Variants in RAP1GDS1 observed in about 807,000 individuals in gnomAD.
RAP1GDS1 encodes RAP1, GTP-GDP dissociation stimulator 1.
Under a neutral mutation model 71.1 loss-of-function variants are expected in RAP1GDS1, and 35 were observed. That is an observed-to-expected ratio of 0.49 (90% CI 0.38 to 0.65). The LOEUF (loss-of-function observed/expected upper bound fraction) is 0.65, where lower values mean the gene tolerates loss of function less well. Ranked by LOEUF, RAP1GDS1 falls within the 30% of genes least tolerant of loss-of-function variation. RAP1GDS1 has a pLI of 0.00. For missense variants in RAP1GDS1, 663 were observed against 706.1 expected, an observed-to-expected ratio of 0.94 and a Z score of 0.69; for synonymous variants, 229 against 243.1, an observed-to-expected ratio of 0.94 and a Z score of 0.54.
At chr4:98,387,398 G>C (rs1012141403) in intron 5 of RAP1GDS1, 3 of 455,092 alleles carry the variant, frequency 6.6e-6, no homozygotes, top group South Asian at 1.6e-5. Flanking sequence ...TAAAACTCAG[G>C]GGGGAAAAGG....
intron 6 of RAP1GDS1, among the ~76,000 whole-genome samples, chr4:98,398,056 A>G (rs547402603): frequency 6.6e-6 from 1 of 152,248 alleles, no homozygotes; most frequent in African/African-American, 2.4e-5. Flanking sequence ...TTTAGTTCCT[A>G]ACTTCATCAA....
intron 2 of RAP1GDS1, among the ~76,000 whole-genome samples, chr4:98,337,331 T>C (rs1210097140): frequency 1.3e-5 from 2 of 152,258 alleles, no homozygotes; most frequent in Admixed American, 6.5e-5. Context: ...TTCTTACTCT[T>C]GTAAAATGTG....
intron 1 of RAP1GDS1, among the ~76,000 whole-genome samples, chr4:98,282,251 G>A (rs1167778239): frequency 6.6e-6 from 1 of 152,032 alleles, no homozygotes; most frequent in Non-Finnish European, 1.5e-5. Context: ...GACTTTTTTT[G>A]GTTGGTAGGC....
chr4:98,272,524 G>A (rs533419923), intron 1 of RAP1GDS1, among the ~76,000 whole-genome samples: 7 of 152,126 alleles, frequency 4.6e-5, no homozygotes, highest in East Asian at 1.9e-4. Context: ...ATCTGTGGTC[G>A]GACGTTGTCA....
intron 6 of RAP1GDS1, among the ~76,000 whole-genome samples, chr4:98,397,740 T>A (rs1225732153): frequency 6.6e-6 from 1 of 152,120 alleles, no homozygotes; most frequent in Non-Finnish European, 1.5e-5. Flanking sequence ...TGACTACCCC[T>A]TGCCTATCCA....
chr4:98,388,405 C>A (rs1282391246), intron 5 of RAP1GDS1, among the ~76,000 whole-genome samples: 1 of 152,022 alleles, frequency 6.6e-6, no homozygotes, highest in Non-Finnish European at 1.5e-5. Flanking sequence ...ACCATGTTTC[C>A]CACTCACCTC....
intron 5 of RAP1GDS1, chr4:98,387,322 C>G (rs560218380): frequency 1.8e-5 from 7 of 392,554 alleles, no homozygotes; most frequent in South Asian, 1.3e-4. Context: ...AGTTGAATCA[C>G]TGGAATTCTC....
At chr4:98,296,744 A>T (rs1468631770) in intron 2 of RAP1GDS1, among the ~76,000 whole-genome samples, 1 of 152,158 alleles carries the variant, frequency 6.6e-6, no homozygotes, top group African/African-American at 2.4e-5. Context: ...GAAATGTAAA[A>T]CAATAGGCCA....
intron 2 of RAP1GDS1, among the ~76,000 whole-genome samples, chr4:98,333,446 G>C (rs746651532): frequency 2.6e-5 from 4 of 151,926 alleles, no homozygotes; most frequent in Admixed American, 6.6e-5. Context: ...TAATTTTTAT[G>C]TTAAAAATAG....
At chr4:98,340,830 A>G (rs924197608) in intron 2 of RAP1GDS1, among the ~76,000 whole-genome samples, 1 of 152,064 alleles carries the variant, frequency 6.6e-6, no homozygotes, top group African/African-American at 2.4e-5. Context: ...TTGAGTACAT[A>G]TGGATACAAT....
At chr4:98,298,125 G>A (rs1219916502) in intron 2 of RAP1GDS1, among the ~76,000 whole-genome samples, 3 of 152,154 alleles carry the variant, frequency 2.0e-5, no homozygotes, top group African/African-American at 4.8e-5. Context: ...CGAGAGGTGA[G>A]GAGACTGCAT....
intron 2 of RAP1GDS1, among the ~76,000 whole-genome samples, chr4:98,339,063 TG>T (rs544631161): frequency 1.7e-4 from 26 of 152,358 alleles, no homozygotes; most frequent in Non-Finnish European, 3.1e-4. Context: ...GTGTGAGTTG[TG>T]CTTTAAACTC....
chr4:98,417,875 C>A (rs1432196581), intron 9 of RAP1GDS1, among the ~76,000 whole-genome samples: 2 of 151,892 alleles, frequency 1.3e-5, no homozygotes, highest in Non-Finnish European at 2.9e-5. Flanking sequence ...ACTTTTATGC[C>A]CATAAAACTT....
At chr4:98,267,401 C>T (rs1245814293) in intron 1 of RAP1GDS1, among the ~76,000 whole-genome samples, 1 of 152,028 alleles carries the variant, frequency 6.6e-6, no homozygotes, top group African/African-American at 2.4e-5. Context: ...TATGAATAAT[C>T]CCATCACCCA....
intron 7 of RAP1GDS1, among the ~76,000 whole-genome samples, chr4:98,413,139 C>G (rs1400122786): frequency 6.6e-6 from 1 of 152,090 alleles, no homozygotes; most frequent in African/African-American, 2.4e-5. Flanking sequence ...GTCCTTATCT[C>G]AACCGCATAA....
chr4:98,282,475 AT>A (rs1725270390), intron 1 of RAP1GDS1, among the ~76,000 whole-genome samples: 1 of 151,562 alleles, frequency 6.6e-6, no homozygotes, highest in African/African-American at 2.4e-5. Flanking sequence ...TCATTTTTTA[AT>A]GTGTCTATTT....
intron 10 of RAP1GDS1, among the ~76,000 whole-genome samples, chr4:98,419,321 TG>T (rs1748473109): frequency 1.3e-5 from 2 of 152,172 alleles, no homozygotes; most frequent in African/African-American, 4.8e-5. Context: ...CCTAAAGTGC[TG>T]GGATTACAGG....
At chr4:98,356,714 A>G (rs913880929) in intron 4 of RAP1GDS1, among the ~76,000 whole-genome samples, 1 of 152,086 alleles carries the variant, frequency 6.6e-6, no homozygotes, top group Non-Finnish European at 1.5e-5. Flanking sequence ...AAAGATATGT[A>G]CACTTAAGCT....
chr4:98,388,285 T>G (rs1365715474), intron 5 of RAP1GDS1, among the ~76,000 whole-genome samples: 1 of 152,238 alleles, frequency 6.6e-6, no homozygotes, highest in African/African-American at 2.4e-5. Context: ...ATTAGTGTTA[T>G]TTCTCTGAAA....
Sources: allele counts gnomAD v4.1 joint callset (sites outside exome capture counted in the v4.1 genomes callset), GRCh38; gene constraint gnomAD v4.1.1; transcripts MANE v1.5; gene names NCBI Gene and HGNC (gene_info 2026-07-23, HGNC 2026-07-21).